The following CACNA1A variants were observed in gnomAD, a reference collection of about 807,000 sequenced individuals.
CACNA1A encodes the protein voltage-dependent P/Q-type calcium channel subunit alpha-1A.
In CACNA1A, 57 loss-of-function variants were observed where a neutral mutation model predicts 262.4. That is an observed-to-expected ratio of 0.22 (90% CI 0.18 to 0.27). CACNA1A has a LOEUF of 0.27. CACNA1A is among the 10% of genes least tolerant of loss of function. The pLI is 1.00. For synonymous variants in CACNA1A, 1,431 were observed against 1,419.3 expected (o/e 1.01, Z -0.18); for missense variants, 2,526 against 3,562.8 (o/e 0.71, Z 7.41).
intron 9 of CACNA1A, among the ~76,000 whole-genome samples, chr19:13,331,488 T>G (rs1253094116): frequency 1.3e-5 from 2 of 152,128 alleles, no homozygotes; most frequent in Non-Finnish European, 2.9e-5. Flanking sequence ...CCACCCGCCT[T>G]GGCCTCCCAA....
In CACNA1A at chr19:13,348,091, A is replaced by AT. The variant is rs200282062; in HGVS notation, c.978+11514dup. On this transcript the variant is annotated intron_variant, in intron 6 of 46. Transcript: ENST00000360228. Reference sequence around the variant, plus strand: ...ACACACCACCATGCCCAGCTAATTAATTATTTTTCTTTTTTAAAGATGGGG... The same window carrying AT: ...ACACACCACCATGCCCAGCTAATTAATTTATTTTTCTTTTTTAAAGATGGGG... 4.2e-3 allele frequency among the ~76,000 whole-genome samples: 635 copies of AT among 151,526 alleles called. 3 individuals carry two copies. Among genetic ancestry groups the AT allele is most frequent in the African/African-American group, 0.014 (592 of 41,298 alleles).
intron 19 of CACNA1A, among the ~76,000 whole-genome samples, chr19:13,291,282 T>C (rs2057531604): frequency 6.6e-6 from 1 of 151,820 alleles, no homozygotes; most frequent in African/African-American, 2.4e-5. Context: ...TATGTGGGGG[T>C]GATAATAACA....
chr19:13,457,588 C>T (rs978208825), intron 1 of CACNA1A, among the ~76,000 whole-genome samples: 9 of 151,948 alleles, frequency 5.9e-5, no homozygotes, highest in African/African-American at 2.2e-4. Flanking sequence ...CAGTGGCTCA[C>T]GCCTGTAATC....
At position 13,212,181 on chromosome 19, in the gene CACNA1A, G is replaced by A; in HGVS notation, c.6225C>T (p.Tyr2075=). The A allele has an allele frequency of 6.2e-7, 1 of 1,613,922 alleles. No individual in the cohort carries two copies. The highest frequency in any genetic ancestry group is 1.7e-5 in the Admixed American group (1 of 60,022). ...VEMREMGRDG[Y]SDSEHYLPME... is the part of the protein sequence containing the mutation. ...TGGGGAGGTAGTGCTCGCTGTCGGA[G>A]TAGCCATCTCTGCCCATCTCTCGCA... The change falls in exon 43 of 47, where the codon TAC becomes TAT. Residue 2075 remains tyrosine (Y), a synonymous_variant. Coordinates refer to ENST00000360228, the MANE Select transcript of CACNA1A (RefSeq NM_001127222.2). The surrounding 1 kb of genome is among the most constrained non-coding windows in gnomAD (Gnocchi z 5.6).
At chr19:13,272,059 C>G (rs2057034935) in intron 24 of CACNA1A, 1 of 152,296 alleles carries the variant, frequency 6.6e-6, no homozygotes, top group Admixed American at 6.5e-5. Flanking sequence ...GCTAGGATTA[C>G]AGGCATGAGC....
At chr19:13,287,486 A>T (rs2144892153) in intron 19 of CACNA1A, among the ~76,000 whole-genome samples, 1 of 152,246 alleles carries the variant, frequency 6.6e-6, no homozygotes, top group South Asian at 2.1e-4. Context: ...GTGCCCATGG[A>T]CAGGTTTCCA....
chr19:13,259,867 T>G, intron 26 of CACNA1A, 166 bp from the exon 27 acceptor site: 1 of 668,166 alleles, frequency 1.5e-6, no homozygotes, highest in Non-Finnish European at 2.6e-6. Context: ...CTGTGCTTCA[T>G]AGGGGATGAC....
intron 1 of CACNA1A, among the ~76,000 whole-genome samples, chr19:13,472,866 G>A (rs1428971695): frequency 6.6e-6 from 1 of 152,058 alleles, no homozygotes; most frequent in Non-Finnish European, 1.5e-5. Flanking sequence ...TTAGTAAAAC[G>A]GCCTCTGCAA....
intron 6 of CACNA1A, among the ~76,000 whole-genome samples, chr19:13,346,092 C>T (rs1425014376): frequency 2.0e-5 from 3 of 151,936 alleles, no homozygotes; most frequent in Admixed American, 6.6e-5. Flanking sequence ...TTAGTAGAGA[C>T]GGGGTTTCGC....
chr19:13,240,772 AGT>A (rs1209105125), intron 31 of CACNA1A, among the ~76,000 whole-genome samples: 1 of 148,846 alleles, frequency 6.7e-6, no homozygotes, highest in African/African-American at 2.5e-5. Flanking sequence ...CTGTGTGCAC[AGT>A]GTGTGCGCAG....
chr19:13,490,674 G>A (rs1385031836), intron 1 of CACNA1A, among the ~76,000 whole-genome samples: 2 of 122,282 alleles, frequency 1.6e-5, no homozygotes, highest in South Asian at 2.6e-4. Flanking sequence ...GAAAGAAAGA[G>A]AGAGAGAGAG....
intron 3 of CACNA1A, among the ~76,000 whole-genome samples, chr19:13,441,308 T>C (rs529339364): frequency 6.6e-6 from 1 of 152,238 alleles, no homozygotes; most frequent in South Asian, 2.1e-4. Flanking sequence ...CATTTAGAGA[T>C]GCCTGCACAA....
chr19:13,486,857 ATC>A (rs375465542), intron 1 of CACNA1A, among the ~76,000 whole-genome samples: 59 of 137,706 alleles, frequency 4.3e-4, no homozygotes, highest in South Asian at 2.1e-3. Flanking sequence ...TTTCTCTCTC[ATC>A]TCTCTCTCTC....
At chr19:13,438,674 C>T (rs758562463) in intron 3 of CACNA1A, among the ~76,000 whole-genome samples, 4 of 152,142 alleles carry the variant, frequency 2.6e-5, no homozygotes, top group Non-Finnish European at 5.9e-5. Flanking sequence ...CCCAACTGGG[C>T]CCAGCCTAAA....
intron 3 of CACNA1A, among the ~76,000 whole-genome samples, chr19:13,406,957 A>G (rs975705819): frequency 7.2e-5 from 11 of 151,876 alleles, no homozygotes; most frequent in African/African-American, 2.7e-4. Flanking sequence ...ACACACACAC[A>G]CATGCACACA....
intron 1 of CACNA1A, among the ~76,000 whole-genome samples, chr19:13,460,308 A>G (rs1373057295): frequency 6.6e-6 from 1 of 152,170 alleles, no homozygotes; most frequent in Non-Finnish European, 1.5e-5. Context: ...GGAGGAGCTC[A>G]GGTAATTGCG....
intron 3 of CACNA1A, chr19:13,450,789 T>G (rs1202394404): frequency 6.6e-6 from 1 of 152,214 alleles, no homozygotes; most frequent in Non-Finnish European, 1.5e-5. Context: ...CCTGAGTAAT[T>G]GGGGTTACAG....
intron 3 of CACNA1A, among the ~76,000 whole-genome samples, chr19:13,440,310 A>ATCTG (rs2060694086): frequency 6.6e-6 from 1 of 152,186 alleles, no homozygotes; most frequent in African/African-American, 2.4e-5. Context: ...ATGGGGTGAC[A>ATCTG]ATGAATCCCT....
chr19:13,207,846 G>A lies in CACNA1A; in HGVS notation c.6988C>T (p.Pro2330Ser). The change falls in exon 47 of 47, where the codon CCG becomes TCG. Residue 2330 changes from proline (P) to serine (S), a missense_variant. Transcript: ENST00000360228. The surrounding 1 kb of genome is among the most constrained non-coding windows in gnomAD (Gnocchi z 5.7). ...GGGCCGCTGGTGGCCGCCCGGCCCG[G>A]CCTGGCCACCGCCTGCTGCTGCTGC... ...QQQQQQAVAR[P>S]GRAATSGPRR... 3 of 1,469,612 alleles carry A rather than the reference G, an allele frequency of 2.0e-6. No individual in the cohort carries two copies. Among genetic ancestry groups the A allele is most frequent in the Non-Finnish European group, 2.7e-6 (3 of 1,117,506 alleles). The allele number at this position is 1,469,612 out of a possible 1,614,324, so 91.0% of individuals were successfully genotyped here. A position where few individuals can be genotyped will look rare whatever the true frequency, so the allele number is the denominator to read the frequency against.
Sources: allele counts gnomAD v4.1 joint callset (sites outside exome capture counted in the v4.1 genomes callset), GRCh38; gene constraint gnomAD v4.1.1; non-coding constraint Gnocchi (gnomAD v3.1); transcripts MANE v1.5; gene names NCBI Gene and HGNC (gene_info 2026-07-23, HGNC 2026-07-21).